The following GRID2 variants were observed in gnomAD, a reference collection of about 807,000 sequenced individuals.
GRID2 encodes glutamate ionotropic receptor delta type subunit 2.
In GRID2, 33 loss-of-function variants were observed where a neutral mutation model predicts 114.8. That is an observed-to-expected ratio of 0.29 (90% CI 0.22 to 0.38). The LOEUF is 0.38. Ranked by LOEUF, GRID2 falls within the 10% of genes least tolerant of loss-of-function variation. The probability of loss-of-function intolerance (pLI) is 1.00; values close to 1 mark genes in which losing one functional copy is unlikely to be tolerated. For synonymous variants in GRID2, 505 were observed against 449.9 expected (o/e 1.12, Z -1.55); for missense variants, 1,184 against 1,257.7 (o/e 0.94, Z 0.89).
chr4:93,411,495 C>T (rs1408212617), intron 9 of GRID2, among the ~76,000 whole-genome samples: 1 of 151,536 alleles, frequency 6.6e-6, no homozygotes, highest in Non-Finnish European at 1.5e-5. Context: ...AGTGCAATGC[C>T]GTGGTCCTAG....
intron 14 of GRID2, among the ~76,000 whole-genome samples, chr4:93,727,714 G>A (rs1018906036): frequency 6.6e-6 from 1 of 152,094 alleles, no homozygotes; most frequent in Non-Finnish European, 1.5e-5. Context: ...TTTAGTCTTG[G>A]GAGAGTGTAT....
intron 14 of GRID2, among the ~76,000 whole-genome samples, chr4:93,689,100 C>T (rs78693005): frequency 0.042 from 6,340 of 151,968 alleles, 201 homozygotes; most frequent in African/African-American, 0.081. Flanking sequence ...GAGAAGACGA[C>T]GTGAAGACAA....
At position 92,719,627 on chromosome 4, in the gene GRID2, A is replaced by G. The variant is rs78551115; in HGVS notation, c.244+129341A>G. 5.1e-4 allele frequency among the ~76,000 whole-genome samples: 77 copies of G among 152,306 alleles called. No homozygotes were observed. In the East Asian group the frequency reaches 0.01, roughly 21 times the overall value. ...AAGGTAGAAAAATGTGGTTGGATCT[A>G]TGAACTTGCATGAGCCAGAGGAGTA... On this transcript the variant is annotated intron_variant, in intron 2 of 15. Transcript: ENST00000282020.
chr4:92,548,815 G>A (rs1726419114), intron 1 of GRID2, among the ~76,000 whole-genome samples: 1 of 152,050 alleles, frequency 6.6e-6, no homozygotes, highest in African/African-American at 2.4e-5. Flanking sequence ...ATTCGTGGTG[G>A]AAGGTGAATG....
chr4:92,653,417 C>CT (rs918973353), intron 2 of GRID2, among the ~76,000 whole-genome samples: 2 of 151,356 alleles, frequency 1.3e-5, no homozygotes, highest in Admixed American at 6.6e-5. Context: ...ATTCACTTAT[C>CT]TTTTTTCTGA....
At chr4:93,206,379 C>A (rs143026532) in intron 4 of GRID2, among the ~76,000 whole-genome samples, 3 of 152,102 alleles carry the variant, frequency 2.0e-5, no homozygotes, top group African/African-American at 7.2e-5. Flanking sequence ...ATGCAATTCA[C>A]CTTCTATAAC....
chr4:92,712,461 C>T (rs1735304037), intron 2 of GRID2, among the ~76,000 whole-genome samples: 1 of 152,108 alleles, frequency 6.6e-6, no homozygotes. Context: ...CATAGCAACA[C>T]TCCAAGTTGC....
chr4:93,065,079 T>C (rs539698756), intron 2 of GRID2, among the ~76,000 whole-genome samples: 3 of 151,952 alleles, frequency 2.0e-5, no homozygotes, highest in African/African-American at 7.2e-5. Flanking sequence ...GGGGGAAATA[T>C]AGGGAGGAAA....
Position 93,126,077 on chromosome 4 carries a change from C to A in GRID2, c.735+15124C>A, listed in dbSNP as rs189105393. ...CTTCAATCCACATCTCTTCATATAT[C>A]ATTCTGTTTTTAGTCTTCTTAGTGA... On this transcript the variant is annotated intron_variant, in intron 4 of 15. Transcript: ENST00000282020. Among the ~76,000 whole-genome samples, 319 of 152,266 alleles carry A rather than the reference C, an allele frequency of 2.1e-3. 4 individuals are homozygous for A. The highest frequency in any genetic ancestry group is 6.2e-3 in the East Asian group (32 of 5,186).
At chr4:93,450,163 CA>C (rs1305924446) in intron 10 of GRID2, among the ~76,000 whole-genome samples, 7 of 151,730 alleles carry the variant, frequency 4.6e-5, no homozygotes, top group African/African-American at 1.7e-4. Context: ...AGGAGAATGA[CA>C]AGTATTTTGA....
intron 14 of GRID2, among the ~76,000 whole-genome samples, chr4:93,703,206 T>G (rs17021035): frequency 0.042 from 6,401 of 152,210 alleles, 216 homozygotes; most frequent in African/African-American, 0.084. Flanking sequence ...TTTTAACTCA[T>G]TTTTCTAAAG....
intron 2 of GRID2, among the ~76,000 whole-genome samples, chr4:92,844,047 AC>A (rs1320632139): frequency 6.6e-6 from 1 of 152,146 alleles, no homozygotes; most frequent in Non-Finnish European, 1.5e-5. Flanking sequence ...TAATAAAAAA[AC>A]TTTATTGATA....
intron 10 of GRID2, among the ~76,000 whole-genome samples, chr4:93,443,892 A>G (rs1307198608): frequency 6.6e-6 from 1 of 151,680 alleles, no homozygotes; most frequent in East Asian, 1.9e-4. Flanking sequence ...CAAGCAGAGC[A>G]AGTAAGTTGA....
At chr4:92,916,828 G>C (rs939452538) in intron 2 of GRID2, among the ~76,000 whole-genome samples, 17 of 152,128 alleles carry the variant, frequency 1.1e-4, no homozygotes, top group African/African-American at 3.9e-4. Context: ...ATAGCTGTGT[G>C]TGTGTGTCTT....
At chr4:93,476,142 T>C (rs1725300394) in intron 11 of GRID2, among the ~76,000 whole-genome samples, 1 of 152,178 alleles carries the variant, frequency 6.6e-6, no homozygotes, top group Non-Finnish European at 1.5e-5. Context: ...ATTCAAACCA[T>C]GCATTGTGTT....
chr4:92,990,303 A>G (rs551055990), intron 2 of GRID2, among the ~76,000 whole-genome samples: 18 of 137,348 alleles, frequency 1.3e-4, no homozygotes, highest in African/African-American at 3.3e-4. Context: ...ATATATATAT[A>G]TATGTGTGTG....
At chr4:93,261,058 G>T (rs982250541) in intron 8 of GRID2, among the ~76,000 whole-genome samples, 1 of 151,712 alleles carries the variant, frequency 6.6e-6, no homozygotes, top group Non-Finnish European at 1.5e-5. Flanking sequence ...GGGACTGAGG[G>T]TTAGATGTGC....
chr4:93,175,180 G>T (rs1004757856), intron 4 of GRID2, among the ~76,000 whole-genome samples: 2 of 151,740 alleles, frequency 1.3e-5, no homozygotes, highest in African/African-American at 2.4e-5. Context: ...GTTTTGTTTT[G>T]TTTTGTTTCA....
chr4:92,522,433 G>A (rs1724835124), intron 1 of GRID2, among the ~76,000 whole-genome samples: 1 of 151,942 alleles, frequency 6.6e-6, no homozygotes, highest in African/African-American at 2.4e-5. Context: ...TCACTGGAGG[G>A]TTTTTCAGCA....
Sources: allele counts gnomAD v4.1 joint callset (sites outside exome capture counted in the v4.1 genomes callset), GRCh38; gene constraint gnomAD v4.1.1; transcripts MANE v1.5; gene names NCBI Gene and HGNC (gene_info 2026-07-23, HGNC 2026-07-21).